The following PTPRD variants were observed in gnomAD, a reference collection of about 807,000 sequenced individuals.
PTPRD encodes the protein receptor-type tyrosine-protein phosphatase delta.
PTPRD carries 34 observed loss-of-function variants against 214.5 expected under a neutral mutation model. The observed-to-expected ratio is 0.16, with a 90% confidence interval of 0.12 to 0.21. The LOEUF (loss-of-function observed/expected upper bound fraction) is 0.21, where lower values mean the gene tolerates loss of function less well. PTPRD is among the 10% of genes least tolerant of loss of function. PTPRD has a pLI of 1.00. For missense variants in PTPRD, 2,545 were observed against 2,398.7 expected, an observed-to-expected ratio of 1.06 and a Z score of -1.27; for synonymous variants, 1,128 against 845.7, an observed-to-expected ratio of 1.33 and a Z score of -5.79.
At position 8,612,182 on chromosome 9, in the gene PTPRD, AGAT is replaced by A. The variant is rs1403021100; in HGVS notation, c.352+21132_352+21134del. Among the ~76,000 whole-genome samples, 9 of 152,358 alleles carry A rather than the reference AGAT, an allele frequency of 5.9e-5. No individual in the cohort carries two copies. The South Asian group carries it at 1.2e-3, about 21-fold the overall frequency. ...ATAGCATTCATTATAACTTCCAGAA[AGAT>A]GATATTTCAATGTTAACTACTCCTT... On this transcript the variant is annotated intron_variant, in intron 14 of 45. Coordinates refer to ENST00000381196, the MANE Select transcript of PTPRD (RefSeq NM_002839.4).
chr9:8,637,022 G>T (rs2096457435), intron 12 of PTPRD, among the ~76,000 whole-genome samples, 178 bp from the exon 13 acceptor site: 2 of 152,104 alleles, frequency 1.3e-5, no homozygotes, highest in Admixed American at 1.3e-4. Context: ...GTAGTTTAAA[G>T]GGGAAGGACA....
chr9:8,560,646 C>G (rs1427903490), intron 14 of PTPRD, among the ~76,000 whole-genome samples: 1 of 152,078 alleles, frequency 6.6e-6, no homozygotes, highest in East Asian at 1.9e-4. Flanking sequence ...AATGAATTAC[C>G]TTTGTAGTTA....
chr9:9,612,908 T>C (rs1486227469), intron 7 of PTPRD, among the ~76,000 whole-genome samples: 1 of 151,802 alleles, frequency 6.6e-6, no homozygotes, highest in African/African-American at 2.4e-5. Flanking sequence ...TACTGAGATA[T>C]TTTCTAGGGT....
At chr9:8,627,304 A>T (rs952520865) in intron 14 of PTPRD, among the ~76,000 whole-genome samples, 3 of 151,778 alleles carry the variant, frequency 2.0e-5, no homozygotes, top group Admixed American at 2.0e-4. Context: ...ATCACTTCAG[A>T]CTTGGCCAAA....
intron 8 of PTPRD, among the ~76,000 whole-genome samples, chr9:9,567,410 T>C (rs969401854): frequency 2.0e-5 from 3 of 151,932 alleles, no homozygotes; most frequent in African/African-American, 7.2e-5. Context: ...TACATTTTTA[T>C]ACAGAAATTA....
intron 14 of PTPRD, among the ~76,000 whole-genome samples, chr9:8,624,273 A>AT (rs2095933377): frequency 1.3e-5 from 2 of 151,908 alleles, no homozygotes; most frequent in Non-Finnish European, 2.9e-5. Flanking sequence ...CCAATAAATG[A>AT]TTTTCAGTCT....
intron 10 of PTPRD, among the ~76,000 whole-genome samples, chr9:9,101,048 T>G (rs1470627356): frequency 6.6e-6 from 1 of 151,928 alleles, no homozygotes; most frequent in Non-Finnish European, 1.5e-5. Flanking sequence ...TGTTTAAAAA[T>G]CAGCACATAC....
chr9:10,604,207 A>G (rs1057196780), intron 2 of PTPRD, among the ~76,000 whole-genome samples: 1 of 151,594 alleles, frequency 6.6e-6, no homozygotes, highest in African/African-American at 2.4e-5. Flanking sequence ...TAGCTTCTTC[A>G]TCTCTGTATT....
rs1173941966 is a variant in PTPRD, at chr9:10,446,409, AT to A, written c.-599-105393del. On this transcript the variant is annotated intron_variant, in intron 2 of 45. Transcript: ENST00000381196. ...TTTGGCTTAACTTTTTATTAAAACT[AT>A]TTTTTTCTTTTTTTTTTTTTTTTTT... Among the ~76,000 whole-genome samples the A allele has an allele frequency of 3.0e-5, 3 of 98,688 alleles. No homozygotes were observed. In the Admixed American group the frequency reaches 3.1e-4, roughly 10 times the overall value. 64.7% of individuals were successfully genotyped at this position (98,688 alleles called of 152,430 possible). A position where few individuals can be genotyped will look rare whatever the true frequency, so the allele number is the denominator to read the frequency against.
At chr9:9,007,646 G>T (rs10816031) in intron 11 of PTPRD, among the ~76,000 whole-genome samples, 65,482 of 149,960 alleles carry the variant, frequency 0.44, 15,877 homozygotes, top group Non-Finnish European at 0.55. Context: ...ATCTGGACCT[G>T]TTGCTTTAGA....
At chr9:9,682,197 G>A (rs2097088540) in intron 7 of PTPRD, among the ~76,000 whole-genome samples, 1 of 151,740 alleles carries the variant, frequency 6.6e-6, no homozygotes, top group Non-Finnish European at 1.5e-5. Flanking sequence ...CTCGAAGTCT[G>A]CACTAGCTTG....
chr9:8,605,988 G>A (rs1474944611), intron 14 of PTPRD, among the ~76,000 whole-genome samples: 1 of 152,030 alleles, frequency 6.6e-6, no homozygotes, highest in East Asian at 1.9e-4. Context: ...GAGGGGTGGG[G>A]ATGTACATCG....
At chr9:9,512,277 A>C (rs1333452381) in intron 8 of PTPRD, among the ~76,000 whole-genome samples, 1 of 151,878 alleles carries the variant, frequency 6.6e-6, no homozygotes, top group Non-Finnish European at 1.5e-5. Flanking sequence ...TAAATGCAGA[A>C]ATCAAAGATG....
chr9:8,864,539 A>C (rs1265859756), intron 11 of PTPRD, among the ~76,000 whole-genome samples: 2 of 152,228 alleles, frequency 1.3e-5, no homozygotes, highest in African/African-American at 4.8e-5. Context: ...GAAAGAAAGC[A>C]CTAACACAGA....
intron 7 of PTPRD, among the ~76,000 whole-genome samples, chr9:9,598,388 C>G (rs1022674914): frequency 6.6e-6 from 1 of 151,912 alleles, no homozygotes; most frequent in African/African-American, 2.4e-5. Context: ...CCTGCCTTTA[C>G]TATTCTCTCT....
intron 2 of PTPRD, among the ~76,000 whole-genome samples, chr9:10,561,733 T>C (rs2064024808): frequency 6.6e-6 from 1 of 152,118 alleles, no homozygotes; most frequent in South Asian, 2.1e-4. Context: ...TGTGACATAA[T>C]CTTTCTGCAC....
At chr9:8,525,765 C>A (rs1252997787) in intron 17 of PTPRD, among the ~76,000 whole-genome samples, 2 of 151,962 alleles carry the variant, frequency 1.3e-5, no homozygotes, top group Admixed American at 1.3e-4. Context: ...GAGATGGATC[C>A]CCTAAGACAC....
At chr9:9,338,337 T>C (rs2045419441) in intron 9 of PTPRD, among the ~76,000 whole-genome samples, 1 of 152,178 alleles carries the variant, frequency 6.6e-6, no homozygotes, top group Admixed American at 6.5e-5. Context: ...TAATTCAGAT[T>C]GCAGCAAGAT....
At chr9:8,871,823 A>G (rs998205526) in intron 11 of PTPRD, among the ~76,000 whole-genome samples, 3 of 152,200 alleles carry the variant, frequency 2.0e-5, no homozygotes, top group African/African-American at 7.2e-5. Flanking sequence ...ATTTCGTGTG[A>G]CATTTCTCCA....
Sources: gnomAD v4.1 joint callset for allele counts (sites outside exome capture counted in the v4.1 genomes callset) on GRCh38, gnomAD v4.1.1 for gene constraint, MANE v1.5 for transcripts, NCBI Gene and HGNC (gene_info 2026-07-23, HGNC 2026-07-21) for gene names.